Variants in HCK observed in about 807,000 individuals in gnomAD.
The protein encoded by HCK is HCK proto-oncogene, Src family tyrosine kinase.
HCK carries 40 observed loss-of-function variants against 70.4 expected under a neutral mutation model. That is an observed-to-expected ratio of 0.57 (90% CI 0.44 to 0.74). The LOEUF (loss-of-function observed/expected upper bound fraction) is 0.74. Ranked by LOEUF, HCK falls within the 30% of genes least tolerant of loss-of-function variation. The pLI is 0.00. For missense variants in HCK, 568 were observed against 697.2 expected (o/e 0.81, Z 2.09); for synonymous variants, 245 against 263.2 (o/e 0.93, Z 0.67).
At chr20:32,085,341 C>T (rs1435133849) in intron 8 of HCK, among the ~76,000 whole-genome samples, 4 of 151,950 alleles carry the variant, frequency 2.6e-5, no homozygotes, top group Non-Finnish European at 4.4e-5. Flanking sequence ...AGTGAAATCC[C>T]GTCTCTACGA....
chr20:32,071,957 C>T (rs919829691), intron 2 of HCK, 175 bp downstream of exon 2: 7 of 725,298 alleles, frequency 9.7e-6, no homozygotes, highest in Non-Finnish European at 1.5e-5. Context: ...AGCCAGCATG[C>T]ATAGGGGCAA....
At position 32,068,325 on chromosome 20, in the gene HCK, TA is replaced by T. The variant is rs977344126; in HGVS notation, c.63-3328del. ...AAAAAATAAATAAGTAAATGAAAAT[TA>T]AAAAAAAATAAAAACTAAAAATAAA... On this transcript the variant is annotated intron_variant, in intron 1 of 12. Transcript: ENST00000375852. 6.7e-4 allele frequency among the ~76,000 whole-genome samples: 94 copies of T among 139,876 alleles called. 1 individual carries two copies. Among genetic ancestry groups the T allele is most frequent in the African/African-American group, 2.0e-3 (77 of 38,088 alleles). 91.8% of individuals were successfully genotyped at this position (139,876 alleles called of 152,430 possible).
chr20:32,056,339 T>C (rs2045271445), intron 1 of HCK, among the ~76,000 whole-genome samples: 1 of 152,124 alleles, frequency 6.6e-6, no homozygotes. Flanking sequence ...CGGTGAAACC[T>C]CGTCTCTACT....
In HCK at chr20:32,079,660, G is replaced by A. The variant is rs578136198; in HGVS notation, c.429-114G>A. ...GTAAAACTGATGCTGCAGGAAGCCAGACCCTCTGTATCCTGACATTCCCCT... is the reference window on the plus strand; with the variant it reads ...GTAAAACTGATGCTGCAGGAAGCCAAACCCTCTGTATCCTGACATTCCCCT... On this transcript the variant is annotated intron_variant, in intron 5 of 12. Transcript: ENST00000375852. 283 of 672,182 alleles carry A rather than the reference G, an allele frequency of 4.2e-4. 2 individuals are homozygous for A. The African/African-American group carries it at 4.8e-3, about 11-fold the overall frequency. The allele number at this position is 672,182 out of a possible 1,614,324, so 41.6% of individuals were successfully genotyped here. A position where few individuals can be genotyped will look rare whatever the true frequency, so the allele number is the denominator to read the frequency against.
chr20:32,094,759 A>AAGAAAGAG (rs2045918964), intron 11 of HCK, among the ~76,000 whole-genome samples: 1 of 128,506 alleles, frequency 7.8e-6, no homozygotes, highest in African/African-American at 2.9e-5. Context: ...GAAAGAAAGA[A>AAGAAAGAG]AGAAGGAAAG....
At chr20:32,076,169 A>C (rs548677146) in intron 5 of HCK, among the ~76,000 whole-genome samples, 1 of 151,868 alleles carries the variant, frequency 6.6e-6, no homozygotes, top group East Asian at 1.9e-4. Flanking sequence ...CTAAAAATAC[A>C]AAAAAAATTA....
Position 32,084,043 on chromosome 20 carries a change from A to T in HCK, c.682A>T (p.Lys228Ter). Residue 228 changes from lysine (K) to a stop codon, truncating the protein, a stop_gained and splice_region_variant, in exon 7 of 13, where the codon AAG becomes TAG. Transcript: ENST00000375852. LOFTEE classifies it high-confidence loss of function. ...GCAGGAGCTGGTGGACCACTACAAG[A>T]GTGAGTCCCACCCCAGGGGTGACAT... 1 of 1,613,266 alleles carries T rather than the reference A, an allele frequency of 6.2e-7. No homozygotes were observed. Among genetic ancestry groups the T allele is most frequent in the Non-Finnish European group, 8.5e-7 (1 of 1,179,858 alleles).
At chr20:32,099,902 CTTT>C (rs5841098) in intron 12 of HCK, among the ~76,000 whole-genome samples, 31 of 143,274 alleles carry the variant, frequency 2.2e-4, no homozygotes, top group Admixed American at 3.5e-4. Context: ...CTTTCTCCAC[CTTT>C]TTTTTTTTTT....
intron 1 of HCK, 104 bp from the exon 2 acceptor site, chr20:32,071,558 T>C: frequency 6.8e-7 from 1 of 1,461,980 alleles, no homozygotes; most frequent in Non-Finnish European, 9.3e-7. Flanking sequence ...GGAAGGCCAG[T>C]GGGAGCCAGC....
chr20:32,096,542 C>A (rs970099811), intron 11 of HCK, among the ~76,000 whole-genome samples: 2 of 151,902 alleles, frequency 1.3e-5, no homozygotes, highest in Non-Finnish European at 2.9e-5. Flanking sequence ...TGCTCTGTTG[C>A]CCAGGCTGTA....
At chr20:32,091,350 C>T (rs970413396) in intron 10 of HCK, among the ~76,000 whole-genome samples, 5 of 152,204 alleles carry the variant, frequency 3.3e-5, no homozygotes, top group African/African-American at 9.7e-5. Flanking sequence ...GCCCTGGCTC[C>T]GCAACTTGCA....
intron 5 of HCK, among the ~76,000 whole-genome samples, chr20:32,076,183 G>A (rs982494658): frequency 2.0e-5 from 3 of 152,066 alleles, no homozygotes; most frequent in Non-Finnish European, 4.4e-5. Context: ...AAAATTAGCT[G>A]GGTGTGGTGG....
In HCK at chr20:32,071,790, G is replaced by T. The variant is rs1568976083; in HGVS notation, c.183+8G>T. ...ACATCCACCATCAAGCCGGTGAGTA[G>T]GGGAGGTCCCAGTTTCCCTGGGGGC... On this transcript the variant is annotated splice_region_variant and intron_variant, in intron 2 of 12. Coordinates refer to ENST00000375852, the MANE Select transcript of HCK (RefSeq NM_002110.5). The T allele has an allele frequency of 1.2e-6, 2 of 1,612,462 alleles. No homozygotes were observed. Among genetic ancestry groups the T allele is most frequent in the East Asian group, 2.2e-5 (1 of 44,832 alleles).
intron 6 of HCK, among the ~76,000 whole-genome samples, chr20:32,080,836 G>C (rs1376797059): frequency 6.6e-6 from 1 of 152,062 alleles, no homozygotes; most frequent in Non-Finnish European, 1.5e-5. Flanking sequence ...ACCCGTAACA[G>C]ACCAAGTAGG....
chr20:32,072,574 A>AAG (rs1272181320), intron 2 of HCK: 3 of 150,412 alleles, frequency 2.0e-5, no homozygotes, highest in African/African-American at 7.3e-5. Flanking sequence ...AAAAAAAAAA[A>AAG]AAAAAAAAAA....
chr20:32,096,759 C>G (rs1159705914), intron 11 of HCK, among the ~76,000 whole-genome samples: 1 of 152,068 alleles, frequency 6.6e-6, no homozygotes, highest in Non-Finnish European at 1.5e-5. Context: ...GCCTCAGGCT[C>G]TGAAAGTGCT....
At chr20:32,054,328 C>T (rs1428903750) in intron 1 of HCK, 2 of 455,668 alleles carry the variant, frequency 4.4e-6, no homozygotes, top group Admixed American at 4.7e-5. Flanking sequence ...TTTAAAAATG[C>T]TATCTATGCA....
intron 1 of HCK, chr20:32,054,368 G>C: frequency 2.2e-6 from 1 of 451,014 alleles, no homozygotes; most frequent in East Asian, 7.0e-5. Context: ...CCAGCTACTC[G>C]GGAGGCTGAG....
At chr20:32,080,741 G>C (rs242605) in intron 6 of HCK, among the ~76,000 whole-genome samples, 38,722 of 151,900 alleles carry the variant, frequency 0.25, 5,354 homozygotes, top group Middle Eastern at 0.33. Flanking sequence ...CGAACTTCTG[G>C]ACTCAAGCAA....
Sources: gnomAD v4.1 joint callset for allele counts (sites outside exome capture counted in the v4.1 genomes callset) on GRCh38, gnomAD v4.1.1 for gene constraint, MANE v1.5 for transcripts, NCBI Gene and HGNC (gene_info 2026-07-23, HGNC 2026-07-21) for gene names.